Variants in COX5A observed in about 807,000 individuals in gnomAD.
COX5A encodes the protein cytochrome c oxidase subunit 5A, mitochondrial.
Under a neutral mutation model 16.1 loss-of-function variants are expected in COX5A, and 6 were observed. The ratio of observed to expected loss-of-function variants is 0.37; its 90% CI spans 0.20 to 0.73. The LOEUF (loss-of-function observed/expected upper bound fraction) is 0.73. Ranked by LOEUF, COX5A falls within the 30% of genes least tolerant of loss-of-function variation. The pLI is 0.50. For synonymous variants in COX5A, 73 were observed against 73.8 expected, an observed-to-expected ratio of 0.99 and a Z score of 0.06; for missense variants, 159 against 194.9, an observed-to-expected ratio of 0.82 and a Z score of 1.10.
chr15:74,926,538 C>A (rs1020896308), intron 3 of COX5A, among the ~76,000 whole-genome samples: 2 of 151,494 alleles, frequency 1.3e-5, no homozygotes, highest in Middle Eastern at 3.4e-3. Flanking sequence ...AAGATAAATT[C>A]TTAAATGGAA....
intron 4 of COX5A, among the ~76,000 whole-genome samples, chr15:74,923,212 T>C (rs1444716927): frequency 6.6e-6 from 1 of 151,826 alleles, no homozygotes; most frequent in Non-Finnish European, 1.5e-5. Context: ...GATCATGAGG[T>C]CAGGGGTTTG....
chr15:74,928,300 TATTC>T (rs2065352374), intron 2 of COX5A, among the ~76,000 whole-genome samples: 1 of 152,192 alleles, frequency 6.6e-6, no homozygotes, highest in East Asian at 1.9e-4. Flanking sequence ...CTTAGATACT[TATTC>T]ATGGCAAAAC....
At chr15:74,926,662 C>T (rs2065345990) in intron 3 of COX5A, 104 bp downstream of exon 3, 2 of 1,222,840 alleles carry the variant, frequency 1.6e-6, no homozygotes, top group African/African-American at 3.1e-5. Context: ...TATATAAGGA[C>T]TCATTTTAGG....
At chr15:74,934,627 G>A (rs536866288) in intron 1 of COX5A, among the ~76,000 whole-genome samples, 1 of 152,090 alleles carries the variant, frequency 6.6e-6, no homozygotes. Flanking sequence ...CACCATGCCC[G>A]GCCATGATTT....
chr15:74,933,324 G>A (rs1450344536), intron 1 of COX5A, among the ~76,000 whole-genome samples: 1 of 151,962 alleles, frequency 6.6e-6, no homozygotes, highest in Non-Finnish European at 1.5e-5. Context: ...TGAAGGAGGA[G>A]AATAGCTTGA....
intron 1 of COX5A, among the ~76,000 whole-genome samples, chr15:74,931,510 A>G (rs532624634): frequency 3.1e-4 from 47 of 152,214 alleles, no homozygotes; most frequent in Admixed American, 2.8e-3. Flanking sequence ...CAAAGAAAAA[A>G]AGAAATGATG....
At chr15:74,937,497 A>G (rs1361453635) in intron 1 of COX5A, among the ~76,000 whole-genome samples, 1 of 152,190 alleles carries the variant, frequency 6.6e-6, no homozygotes, top group Non-Finnish European at 1.5e-5. Flanking sequence ...ATACGGAAGT[A>G]TATTGTGTCC....
At chr15:74,931,425 C>G (rs1020683796) in intron 1 of COX5A, among the ~76,000 whole-genome samples, 3 of 151,994 alleles carry the variant, frequency 2.0e-5, no homozygotes, top group African/African-American at 7.2e-5. Context: ...CACTCGAACC[C>G]AGGAGGCGGA....
At chr15:74,925,151 C>T (rs986400812) in intron 3 of COX5A, among the ~76,000 whole-genome samples, 1 of 151,986 alleles carries the variant, frequency 6.6e-6, no homozygotes, top group African/African-American at 2.4e-5. Flanking sequence ...GGAGAAACCC[C>T]GTCTCTTAAA....
At chr15:74,923,818 C>A in intron 3 of COX5A, 48 bp from the exon 4 acceptor site, 1 of 1,203,530 alleles carries the variant, frequency 8.3e-7, no homozygotes, top group South Asian at 1.2e-5. Context: ...AAAGCCATGT[C>A]TATTAATTCA....
intron 2 of COX5A, among the ~76,000 whole-genome samples, chr15:74,927,477 C>T (rs1402910643): frequency 1.3e-5 from 2 of 152,048 alleles, no homozygotes; most frequent in African/African-American, 4.8e-5. Flanking sequence ...ATCCGGCCCT[C>T]CTATCTTTAA....
rs150174803 is a variant in COX5A at position 74,929,121 on chromosome 15, C to A, written c.212G>T (p.Arg71Leu). Residue 71 changes from arginine to leucine, a missense_variant, in exon 2 of 5, where the codon CGT (arginine) becomes CTT (leucine). By Grantham distance (102) the Arg-to-Leu change is moderately radical. Transcript: ENST00000322347. The stretch of plus-strand genomic sequence containing the variant: ...TATGTTTATGTTCCAATTACCTTTA[C>A]GCAATTCCCAGGCATCTATATCTGG... ...NKPDIDAWEL[R>L]KGINTLVTYD... The A allele has an allele frequency of 1.9e-6, 3 of 1,601,658 alleles. No individual in the cohort carries two copies.
rs79424710 is a variant in COX5A, at chr15:74,928,251, T to C, written c.217+865A>G. 5.3e-4 allele frequency among the ~76,000 whole-genome samples: 81 copies of C among 152,320 alleles called. 1 individual carries two copies. The East Asian group carries it at 0.013, about 24-fold the overall frequency. ...CCTAATTCTATTTTTTCATGTTAAG[T>C]GTGCATCTGCAAATTTAGGAAAGAC... On this transcript the variant is annotated intron_variant, in intron 2 of 4. Transcript: ENST00000322347.
intron 4 of COX5A, 26 bp from the exon 5 acceptor site, chr15:74,920,468 G>T (rs2065314987): frequency 1.5e-6 from 1 of 679,854 alleles, no homozygotes; most frequent in African/African-American, 1.8e-5. Flanking sequence ...CAAAGAATTA[G>T]CCAGGAAAGA....
chr15:74,936,087 T>G (rs2065388707), intron 1 of COX5A, among the ~76,000 whole-genome samples: 1 of 151,752 alleles, frequency 6.6e-6, no homozygotes, highest in East Asian at 1.9e-4. Context: ...CCTCACGAGC[T>G]CGAAACCAGC....
At chr15:74,923,621 T>G in intron 4 of COX5A, 27 bp downstream of exon 4, 1 of 1,342,346 alleles carries the variant, frequency 7.4e-7, no homozygotes, top group Non-Finnish European at 1.1e-6. Context: ...ATTGTTTTCC[T>G]GCCTTCTTCA....
chr15:74,923,586 AT>A (rs2141270189), intron 4 of COX5A, 61 bp downstream of exon 4: 2 of 946,912 alleles, frequency 2.1e-6, no homozygotes, highest in South Asian at 2.7e-5. Flanking sequence ...GCACACTGAA[AT>A]GTCATCCACC....
rs1595859870 is a variant in COX5A at position 74,920,458 on chromosome 15, C to A, written c.*10-16G>T. The stretch of plus-strand genomic sequence containing the variant: ...GGAAGCCCATCTGTAAGAGAAAACA[C>A]AAAGAATTAGCCAGGAAAGAATAAA... On this transcript the variant is annotated splice_polypyrimidine_tract_variant and intron_variant, in intron 4 of 4. Transcript: ENST00000322347. 1.5e-6 allele frequency: 1 copy of A among 688,666 alleles called. No homozygotes were observed. The highest frequency in any genetic ancestry group is 2.7e-5 in the East Asian group (1 of 37,024). The allele number at this position is 688,666 out of a possible 1,614,324, so 42.7% of individuals were successfully genotyped here.
At chr15:74,921,977 CAGG>C (rs1222888887) in intron 4 of COX5A, among the ~76,000 whole-genome samples, 5 of 151,914 alleles carry the variant, frequency 3.3e-5, no homozygotes, top group African/African-American at 1.2e-4. Context: ...CACTTGAGCC[CAGG>C]AGTTCAAGAA....
Sources: allele counts gnomAD v4.1 joint callset (sites outside exome capture counted in the v4.1 genomes callset), GRCh38; gene constraint gnomAD v4.1.1; transcripts MANE v1.5; gene names NCBI Gene and HGNC (gene_info 2026-07-23, HGNC 2026-07-21).